RBMX: variants seen among roughly 807,000 people sequenced by gnomAD.
RBMX encodes RNA-binding motif protein, X chromosome.
Under a neutral mutation model 29.3 loss-of-function variants are expected in RBMX, and 1 was observed. That is an observed-to-expected ratio of 0.03 (90% CI 0.01 to 0.16). The LOEUF is 0.16. Ranked by LOEUF, RBMX falls within the 10% of genes least tolerant of loss-of-function variation. The pLI is 1.00. For missense variants in RBMX, 121 were observed against 333.2 expected, an observed-to-expected ratio of 0.36 and a Z score of 4.96; for synonymous variants, 102 against 102.3, an observed-to-expected ratio of 1.00 and a Z score of 0.02.
At chrX:136,878,921 C>T (rs1335774272) in intron 3 of RBMX, 96 bp downstream of exon 3, 3 of 1,097,651 alleles carry the variant, frequency 2.7e-6, no homozygotes, top group Non-Finnish European at 3.7e-6. Context: ...TGAAAAACAA[C>T]GAAAACTCAA....
intron 1 of RBMX, among the ~76,000 whole-genome samples, chrX:136,879,809 G>T (rs898584245): frequency 5.4e-5 from 6 of 111,249 alleles, no homozygotes; most frequent in African/African-American, 2.0e-4. Context: ...CCTAACGATG[G>T]TTTTAAAAGA....
intron 2 of RBMX, 68 bp downstream of exon 2, chrX:136,879,251 T>C (rs750026606): frequency 2.5e-6 from 3 of 1,194,615 alleles, no homozygotes; most frequent in Non-Finnish European, 2.3e-6. Context: ...AGACGATCAA[T>C]GCAATCAAAT....
intron 1 of RBMX, among the ~76,000 whole-genome samples, chrX:136,880,060 T>A (rs1197510921): frequency 8.9e-6 from 1 of 111,832 alleles, no homozygotes; most frequent in Non-Finnish European, 1.9e-5. Flanking sequence ...ACGCACACAC[T>A]AACACTCGAC....
intron 4 of RBMX, 26 bp downstream of exon 4, chrX:136,877,889 A>T (rs2077750565): frequency 8.7e-7 from 1 of 1,150,971 alleles, no homozygotes. Context: ...TTATACACCA[A>T]ACCCGAGGTC....
chrX:136,875,677 C>T lies in RBMX; in HGVS notation c.542-92G>A. ...AGGCTATGAAAAATAATGAGACTGA[C>T]TTCAAAGATGACATTACGGAGGCTA... On this transcript the variant is annotated intron_variant, in intron 5 of 8. Coordinates refer to ENST00000320676, the MANE Select transcript of RBMX (RefSeq NM_002139.4). The T allele has an allele frequency of 8.4e-6, 9 of 1,066,073 alleles. No homozygotes were observed. The South Asian group carries it at 2.1e-4, about 25-fold the overall frequency. 87.9% of individuals were successfully genotyped at this position (1,066,073 alleles called of 1,213,427 possible).
chrX:136,869,474 T>G (rs918364577), downstream of RBMX: 4 of 111,750 alleles, frequency 3.6e-5, no homozygotes, highest in Non-Finnish European at 7.5e-5. Flanking sequence ...CTTCAAGATA[T>G]CTAAATATCT....
chrX:136,875,668 T>C, intron 5 of RBMX, 83 bp from the exon 6 acceptor site: 1 of 1,089,962 alleles, frequency 9.2e-7, no homozygotes, highest in Non-Finnish European at 1.2e-6. Flanking sequence ...TGAAAAATAA[T>C]GAGACTGACT....
chrX:136,877,708 CAAG>C, intron 4 of RBMX, among the ~76,000 whole-genome samples: 1 of 112,050 alleles, frequency 8.9e-6, no homozygotes, highest in Admixed American at 9.5e-5. Flanking sequence ...ACTACTTGGA[CAAG>C]AAGTAACACT....
chrX:136,871,686 G>GT (rs1187581824), downstream of RBMX, among the ~76,000 whole-genome samples: 2 of 108,559 alleles, frequency 1.8e-5, no homozygotes, highest in Non-Finnish European at 3.8e-5. Context: ...GGGTCTTGCT[G>GT]TTGCCCAGGC....
rs35488933 is a variant in RBMX, at chrX:136,878,088, TA to T, written c.217-3del. 177 of 1,126,733 alleles carry T rather than the reference TA, an allele frequency of 1.6e-4. No homozygotes were observed. The highest frequency in any genetic ancestry group is 6.6e-4 in the Admixed American group (25 of 37,641). The allele number at this position is 1,126,733 out of a possible 1,213,427, so 92.9% of individuals were successfully genotyped here. ...CTTGATGGCTTTTCCATCTAATGAC[TA>T]AAAAAAAAGATACGATTAAATTAAA... On this transcript the variant is annotated splice_region_variant and splice_polypyrimidine_tract_variant and intron_variant, in intron 3 of 8. Coordinates refer to ENST00000320676, the MANE Select transcript of RBMX (RefSeq NM_002139.4).
downstream of RBMX, chrX:136,869,398 G>C (rs2077672255): frequency 8.9e-6 from 1 of 111,953 alleles, no homozygotes; most frequent in African/African-American, 3.3e-5. Flanking sequence ...CTATCAAACA[G>C]GTATCTGGTC....
In RBMX at chrX:136,874,327, G is replaced by T. The variant is rs1318872026; in HGVS notation, c.991C>A (p.Arg331=). ...CGACCACTTGAGTAGAGATCACTTC[G>T]GCTGCTTGAGTAACTGTCTCGACTT... ...GGSRDSYSSS[R]SDLYSSGRDR... is the part of the protein sequence containing the mutation. Residue 331 remains arginine (R), a synonymous_variant, in exon 9 of 9, where the codon CGA becomes AGA. Coordinates refer to ENST00000320676, the MANE Select transcript of RBMX (RefSeq NM_002139.4). The T allele has an allele frequency of 8.2e-7, 1 of 1,212,790 alleles. No individual in the cohort carries two copies. Among genetic ancestry groups the T allele is most frequent in the East Asian group, 3.0e-5 (1 of 33,887 alleles).
intron 5 of RBMX, 48 bp from the exon 6 acceptor site, chrX:136,875,633 A>C: frequency 1.7e-6 from 2 of 1,184,303 alleles, no homozygotes; most frequent in South Asian, 3.8e-5. Context: ...GAAAAAAGTT[A>C]AAACGTGAAC....
chrX:136,870,597 G>GA (rs2077677977), downstream of RBMX, among the ~76,000 whole-genome samples: 1 of 110,200 alleles, frequency 9.1e-6, no homozygotes, highest in Admixed American at 9.9e-5. Flanking sequence ...CTGGGAGGCC[G>GA]AGACAGGCAG....
chrX:136,878,171 T>G, intron 3 of RBMX, 85 bp from the exon 4 acceptor site: 1 of 843,631 alleles, frequency 1.2e-6, no homozygotes, highest in South Asian at 3.3e-5. Flanking sequence ...AACTGGTCCT[T>G]CAAAATGCAG....
intron 3 of RBMX, 64 bp downstream of exon 3, chrX:136,878,953 G>C: frequency 8.4e-7 from 1 of 1,184,154 alleles, no homozygotes; most frequent in Non-Finnish European, 1.1e-6. Context: ...GACCAGACTT[G>C]GACAACTACA....
At chrX:136,877,097 G>A (rs2077738304) in intron 4 of RBMX, among the ~76,000 whole-genome samples, 1 of 109,329 alleles carries the variant, frequency 9.1e-6, no homozygotes, top group African/African-American at 3.3e-5. Context: ...CCAGCACTTT[G>A]GGAGGCCAAG....
chrX:136,874,945 G>A (rs958401866), intron 8 of RBMX, 141 bp downstream of exon 8: 138 of 1,045,940 alleles, frequency 1.3e-4, no homozygotes, highest in Non-Finnish European at 1.7e-4. Flanking sequence ...ACAAAACTAG[G>A]AAAAGCCCAG....
chrX:136,870,804 GAAAAAAAGAA>G (rs1208789828), downstream of RBMX, among the ~76,000 whole-genome samples: 1 of 101,341 alleles, frequency 9.9e-6, no homozygotes, highest in African/African-American at 3.6e-5. Flanking sequence ...AAAAGAAAAA[GAAAAAAAGAA>G]AAAAAAAGAA....
Sources: gnomAD v4.1 joint callset for allele counts (sites outside exome capture counted in the v4.1 genomes callset) on GRCh38, gnomAD v4.1.1 for gene constraint, MANE v1.5 for transcripts, NCBI Gene and HGNC (gene_info 2026-07-23, HGNC 2026-07-21) for gene names.